The following TFDP1 variants were observed in gnomAD, a reference collection of about 807,000 sequenced individuals.
The protein encoded by TFDP1 is transcription factor Dp-1.
TFDP1 carries 6 observed loss-of-function variants against 48.0 expected under a neutral mutation model. That is an observed-to-expected ratio of 0.13 (90% confidence interval 0.07 to 0.25). TFDP1 has a LOEUF of 0.25. Ranked by LOEUF, TFDP1 falls within the 10% of genes least tolerant of loss-of-function variation. The pLI is 1.00. For missense variants in TFDP1, 335 were observed against 543.0 expected (o/e 0.62, Z 3.81); for synonymous variants, 201 against 211.6 (o/e 0.95, Z 0.44).
rs556309370 is a variant in TFDP1 at position 113,595,614 on chromosome 13, A to C, written c.12+9765A>C. Among the ~76,000 whole-genome samples, 65 of 152,316 alleles carry C rather than the reference A, an allele frequency of 4.3e-4. 1 individual carries two copies. Among genetic ancestry groups the C allele is most frequent in the African/African-American group, 1.4e-3 (57 of 41,574 alleles). The stretch of plus-strand genomic sequence containing the variant: ...AGTGGTTTCCAGTTAAATCTTCCCA[A>C]ATTTGCACAAATCCAGGATGAGTCT... On this transcript the variant is annotated intron_variant, in intron 2 of 11. Coordinates refer to ENST00000375370, the MANE Select transcript of TFDP1 (RefSeq NM_007111.5).
In TFDP1 at chr13:113,598,157, C is replaced by A. The variant is rs182884551; in HGVS notation, c.12+12308C>A. Among the ~76,000 whole-genome samples the A allele has an allele frequency of 1.3e-5, 2 of 152,272 alleles. No homozygotes were observed. Among genetic ancestry groups the A allele is most frequent in the African/African-American group, 4.8e-5 (2 of 41,542 alleles). ...AAGTTCCCGTCTGGTCCCTCTACTC[C>A]CCACCACCCCAGCCCTGGAAAACCG... On this transcript the variant is annotated intron_variant, in intron 2 of 11. Transcript: ENST00000375370. This position sits in a 1 kb window ranked among gnomAD's most constrained non-coding sequence, Gnocchi z 4.2.
At chr13:113,603,127 A>G (rs931796808) in intron 2 of TFDP1, among the ~76,000 whole-genome samples, 3 of 152,202 alleles carry the variant, frequency 2.0e-5, no homozygotes, top group Non-Finnish European at 2.9e-5. Context: ...TGTTCAGTAG[A>G]TTAGAAAGTG....
At chr13:113,595,878 C>G (rs943628765) in intron 2 of TFDP1, among the ~76,000 whole-genome samples, 7 of 152,272 alleles carry the variant, frequency 4.6e-5, no homozygotes, top group African/African-American at 1.7e-4. Flanking sequence ...GTCAGGATAT[C>G]GAGACCATCC....
intron 2 of TFDP1, among the ~76,000 whole-genome samples, chr13:113,593,564 G>A (rs1594408093): frequency 7.3e-6 from 1 of 136,826 alleles, no homozygotes; most frequent in Admixed American, 7.5e-5. Flanking sequence ...CGGGTCCTCA[G>A]CCGTGCCCAG....
At chr13:113,629,296 C>T (rs933508249) in intron 4 of TFDP1, among the ~76,000 whole-genome samples, 1 of 152,254 alleles carries the variant, frequency 6.6e-6, no homozygotes, top group Non-Finnish European at 1.5e-5. Flanking sequence ...GTAAACAACG[C>T]ATTCCCAGTG....
At chr13:113,621,025 G>A (rs1223946050) in intron 3 of TFDP1, among the ~76,000 whole-genome samples, 3 of 152,218 alleles carry the variant, frequency 2.0e-5, no homozygotes, top group Admixed American at 1.3e-4. Flanking sequence ...TTAAAGAAAT[G>A]CATAAAAAGC....
rs1232370520 is a variant in TFDP1 at position 113,641,395 on chromosome 13, A to G, written c.*1128A>G. 1 of 152,242 alleles carries G rather than the reference A, an allele frequency of 6.6e-6. No homozygotes were observed. Among genetic ancestry groups the G allele is most frequent in the East Asian group, 1.9e-4 (1 of 5,200 alleles). The allele number at this position is 152,242 out of a possible 1,614,324, so 9.4% of individuals were successfully genotyped here. A position where few individuals can be genotyped will look rare whatever the true frequency, so the allele number is the denominator to read the frequency against. On this transcript the variant is annotated 3_prime_UTR_variant, in exon 12 of 12. Coordinates refer to ENST00000375370, the MANE Select transcript of TFDP1 (RefSeq NM_007111.5). ...TTCTGTAATATTTTATGGTATATAA[A>G]GAGACTTTAATTGTTTGACTTGTTT...
At chr13:113,600,518 A>C (rs911368792) in intron 2 of TFDP1, among the ~76,000 whole-genome samples, 11 of 147,966 alleles carry the variant, frequency 7.4e-5, no homozygotes, top group Admixed American at 5.4e-4. Context: ...CTCCAGGACC[A>C]TGAGACAGAA....
intron 8 of TFDP1, among the ~76,000 whole-genome samples, chr13:113,634,843 A>G (rs559046217): frequency 3.4e-5 from 5 of 147,696 alleles, no homozygotes; most frequent in Admixed American, 6.7e-5. Context: ...GTGTGTGTGC[A>G]TGTGCCTGTG....
rs568986182 is a variant in TFDP1 at position 113,622,967 on chromosome 13, C to T, written c.80-213C>T. Among the ~76,000 whole-genome samples, 9 of 152,374 alleles carry T rather than the reference C, an allele frequency of 5.9e-5. No homozygotes were observed. The East Asian group carries it at 1.2e-3, about 20-fold the overall frequency. ...TGATCTGCCTGGGTCACCTGGGTGG[C>T]GTCAGCGCGGCCCTGCGGCCCTCCC... On this transcript the variant is annotated intron_variant, in intron 3 of 11. Transcript: ENST00000375370.
Position 113,637,887 on chromosome 13 carries a change from T to G in TFDP1, c.1076T>G (p.Phe359Cys), listed in dbSNP as rs200975730. The G allele has an allele frequency of 6.2e-7, 1 of 1,613,480 alleles. No individual in the cohort carries two copies. Among genetic ancestry groups the G allele is most frequent in the African/African-American group, 1.3e-5 (1 of 75,024 alleles). Reference protein sequence around the residue: ...TAGSTSNGTRFSASDLTNGAD... With the variant: ...TAGSTSNGTRCSASDLTNGAD... ...GGTTCCACGTCTAACGGCACAAGGT[T>G]CTCTGCCAGGTGACAGTCGTTGAGG... The change falls in exon 11 of 12, where the codon TTC becomes TGC. Residue 359 changes from phenylalanine (F) to cysteine (C), a missense_variant. By Grantham distance (205) the Phe-to-Cys change is radical. Around this residue, in one of 3 missense-constraint regions of TFDP1, gnomAD observed 204 missense variants for 287.1 expected, o/e 0.71. Coordinates refer to ENST00000375370, the MANE Select transcript of TFDP1 (RefSeq NM_007111.5).
chr13:113,633,102 T>C lies in TFDP1; in HGVS notation c.309-18T>C. The C allele has an allele frequency of 6.2e-7, 1 of 1,613,790 alleles. No homozygotes were observed. ...AGGAGGGCTGACAGTCGCTTCTCTT[T>C]TCCTTTGTATTTTGAAGGAAGCGCA... On this transcript the variant is annotated intron_variant, in intron 5 of 11. Coordinates refer to ENST00000375370, the MANE Select transcript of TFDP1 (RefSeq NM_007111.5). The surrounding 1 kb of genome is among the most constrained non-coding windows in gnomAD (Gnocchi z 4.5).
intron 3 of TFDP1, among the ~76,000 whole-genome samples, chr13:113,612,864 GC>G (rs1320137807): frequency 6.6e-6 from 1 of 152,196 alleles, no homozygotes; most frequent in Non-Finnish European, 1.5e-5. Context: ...GCAGGGCCGT[GC>G]ATTTCCCCTC....
chr13:113,592,448 C>T (rs895607777), intron 2 of TFDP1, among the ~76,000 whole-genome samples: 10 of 152,348 alleles, frequency 6.6e-5, no homozygotes, highest in Admixed American at 3.3e-4. Context: ...TGAGCCACCG[C>T]GCCTGGCCAT....
chr13:113,608,318 G>A (rs73577444), intron 2 of TFDP1, among the ~76,000 whole-genome samples: 2,498 of 152,326 alleles, frequency 0.016, 64 homozygotes, highest in African/African-American at 0.057. Flanking sequence ...GAGGGAGGGC[G>A]ATAGACAGGG....
intron 11 of TFDP1, among the ~76,000 whole-genome samples, chr13:113,639,164 C>T (rs2049578552): frequency 6.6e-6 from 1 of 152,222 alleles, no homozygotes; most frequent in Non-Finnish European, 1.5e-5. Flanking sequence ...GCCGGTTCTC[C>T]TTCTGTTGTA....
chr13:113,636,833 CAA>C, intron 10 of TFDP1, 133 bp downstream of exon 10: 1 of 1,125,192 alleles, frequency 8.9e-7, no homozygotes, highest in Non-Finnish European at 1.2e-6. Context: ...GGAGCAAAGA[CAA>C]AGGGGCTGTG....
Position 113,609,091 on chromosome 13 carries a change from C to T in TFDP1, c.13-1905C>T, listed in dbSNP as rs139661439. On this transcript the variant is annotated intron_variant, in intron 2 of 11. Coordinates refer to ENST00000375370, the MANE Select transcript of TFDP1 (RefSeq NM_007111.5). ...TCCTGGTGTCGTATGTTTGTGCCAG[C>T]GTAGCCCTCTGCGGGGCCTGTGCCG... Among the ~76,000 whole-genome samples the T allele has an allele frequency of 3.0e-4, 45 of 152,370 alleles. No individual in the cohort carries two copies. The East Asian group carries it at 7.7e-3, about 26-fold the overall frequency.
At chr13:113,597,339 C>T (rs955972333) in intron 2 of TFDP1, among the ~76,000 whole-genome samples, 6 of 152,214 alleles carry the variant, frequency 3.9e-5, no homozygotes, top group South Asian at 2.1e-4. Context: ...GCGGTATACT[C>T]GGGCGAGGGC....
Sources: gnomAD v4.1 joint callset for allele counts (sites outside exome capture counted in the v4.1 genomes callset) on GRCh38, gnomAD v4.1.1 for gene constraint, gnomAD v4.1.1 regional missense constraint, Gnocchi (gnomAD v3.1) non-coding constraint, MANE v1.5 for transcripts, NCBI Gene and HGNC (gene_info 2026-07-23, HGNC 2026-07-21) for gene names.